The following SLIT3 variants were observed in gnomAD, a reference collection of about 807,000 sequenced individuals.
The protein encoded by SLIT3 is slit guidance ligand 3.
A neutral mutation model predicts 184.0 loss-of-function variants in SLIT3; 68 were observed. The observed-to-expected ratio is 0.37, with a 90% CI of 0.30 to 0.45. SLIT3 has a LOEUF of 0.45. Ranked by LOEUF, SLIT3 falls within the 20% of genes least tolerant of loss-of-function variation. The probability of loss-of-function intolerance (pLI) is 1.00; values close to 1 mark genes in which losing one functional copy is unlikely to be tolerated. For missense variants in SLIT3, 1,707 were observed against 2,026.0 expected, an observed-to-expected ratio of 0.84 and a Z score of 3.02; for synonymous variants, 831 against 828.6, an observed-to-expected ratio of 1.00 and a Z score of -0.05.
intron 4 of SLIT3, among the ~76,000 whole-genome samples, chr5:169,006,578 T>TTCTCTCTCTCTCTC (rs369079733): frequency 5.7e-5 from 8 of 140,114 alleles, no homozygotes; most frequent in African/African-American, 2.2e-4. Context: ...TTTCCCCCTC[T>TTCTCTCTCTCTCTC]TCTCTCTCTC....
intron 4 of SLIT3, among the ~76,000 whole-genome samples, chr5:168,889,701 T>A (rs1760368009): frequency 6.6e-6 from 1 of 152,252 alleles, no homozygotes; most frequent in Admixed American, 6.5e-5. Flanking sequence ...GAATACCTAC[T>A]ATGTGTTCCA....
At chr5:168,951,017 T>C (rs1762634640) in intron 4 of SLIT3, among the ~76,000 whole-genome samples, 1 of 152,186 alleles carries the variant, frequency 6.6e-6, no homozygotes, top group Non-Finnish European at 1.5e-5. Context: ...GGTCAGGAGT[T>C]GGAGACCAGC....
At chr5:168,809,359 A>G (rs1757089283) in intron 8 of SLIT3, among the ~76,000 whole-genome samples, 1 of 152,166 alleles carries the variant, frequency 6.6e-6, no homozygotes, top group Non-Finnish European at 1.5e-5. Flanking sequence ...ACCACCTTTA[A>G]TTAGGCAGAG....
intron 4 of SLIT3, among the ~76,000 whole-genome samples, chr5:169,187,099 A>G (rs1284140020): frequency 7.3e-6 from 1 of 137,166 alleles, no homozygotes; most frequent in African/African-American, 2.7e-5. Flanking sequence ...ACAACTGCTT[A>G]TGCAGCTATA....
chr5:168,721,461 T>C (rs1208836870), intron 23 of SLIT3, among the ~76,000 whole-genome samples: 1 of 152,204 alleles, frequency 6.6e-6, no homozygotes, highest in Non-Finnish European at 1.5e-5. Context: ...GCAATTACCA[T>C]AATTATCTGA....
chr5:169,025,146 T>C (rs1561615144), intron 4 of SLIT3, among the ~76,000 whole-genome samples: 1 of 152,258 alleles, frequency 6.6e-6, no homozygotes, highest in East Asian at 1.9e-4. Context: ...AAGAGACCTT[T>C]CTGGATATGG....
chr5:169,292,276 T>C (rs900179791), intron 1 of SLIT3, among the ~76,000 whole-genome samples: 2 of 152,192 alleles, frequency 1.3e-5, no homozygotes, highest in Non-Finnish European at 2.9e-5. Flanking sequence ...TACATACACA[T>C]TCAACATACA....
intron 4 of SLIT3, among the ~76,000 whole-genome samples, chr5:168,896,194 G>A (rs949085655): frequency 5.9e-5 from 9 of 152,216 alleles, no homozygotes; most frequent in South Asian, 2.1e-4. Flanking sequence ...GTGAGGTACC[G>A]TAGTGAAGGC....
chr5:169,017,470 C>G (rs1345978409), intron 4 of SLIT3, among the ~76,000 whole-genome samples: 1 of 152,230 alleles, frequency 6.6e-6, no homozygotes, highest in Non-Finnish European at 1.5e-5. Flanking sequence ...TAGCTGCTCT[C>G]ACCAAAGGAA....
chr5:168,682,664 C>A (rs1434607883), intron 32 of SLIT3, among the ~76,000 whole-genome samples: 1 of 152,078 alleles, frequency 6.6e-6, no homozygotes, highest in Non-Finnish European at 1.5e-5. Context: ...CACTGCAGGG[C>A]GGTTTTGCTT....
chr5:169,083,346 G>A (rs929542079), intron 4 of SLIT3, among the ~76,000 whole-genome samples: 5 of 152,116 alleles, frequency 3.3e-5, no homozygotes, highest in African/African-American at 1.2e-4. Context: ...AAGCTTTACT[G>A]GTCTAACATC....
intron 4 of SLIT3, among the ~76,000 whole-genome samples, chr5:169,188,683 A>G (rs1763441319): frequency 1.3e-5 from 2 of 152,204 alleles, no homozygotes; most frequent in South Asian, 4.1e-4. Context: ...CTGACCAGCC[A>G]AGGTCAGCCG....
At chr5:169,059,319 A>G (rs2113088801) in intron 4 of SLIT3, among the ~76,000 whole-genome samples, 1 of 152,094 alleles carries the variant, frequency 6.6e-6, no homozygotes, top group East Asian at 1.9e-4. Flanking sequence ...GTTCACACAT[A>G]CTCCAGAATG....
chr5:168,805,030 G>A (rs1207729269), intron 9 of SLIT3, among the ~76,000 whole-genome samples: 2 of 152,160 alleles, frequency 1.3e-5, no homozygotes, highest in Non-Finnish European at 2.9e-5. Context: ...CTTATTTCAT[G>A]TCCTTTTCTT....
chr5:169,204,107 G>T (rs1763988750), intron 3 of SLIT3, among the ~76,000 whole-genome samples: 1 of 152,040 alleles, frequency 6.6e-6, no homozygotes, highest in African/African-American at 2.4e-5. Context: ...AGAGAGAGGA[G>T]GAAACAGCCC....
At chr5:168,960,494 A>C (rs1762968120) in intron 4 of SLIT3, among the ~76,000 whole-genome samples, 1 of 152,224 alleles carries the variant, frequency 6.6e-6, no homozygotes, top group Non-Finnish European at 1.5e-5. Context: ...CTCTAGGATT[A>C]TAGTAAATTG....
intron 4 of SLIT3, among the ~76,000 whole-genome samples, chr5:169,102,964 T>C (rs1293606096): frequency 6.6e-6 from 1 of 152,236 alleles, no homozygotes; most frequent in Non-Finnish European, 1.5e-5. Flanking sequence ...AACCCCATTT[T>C]TTCCTCAAAC....
chr5:169,044,399 T>C lies in SLIT3; in HGVS notation c.413+149080A>G, dbSNP rs566706203. On this transcript the variant is annotated intron_variant, in intron 4 of 35. Transcript: ENST00000519560. The stretch of plus-strand genomic sequence containing the variant: ...GGTGGAACATGCAATGGAATATTAT[T>C]CAGCCATAAAAAGAAATGAAGTATC... 1.2e-3 allele frequency among the ~76,000 whole-genome samples: 180 copies of C among 152,286 alleles called. 2 individuals carry two copies. The highest frequency in any genetic ancestry group is 3.4e-3 in the Middle Eastern group (1 of 294).
At position 168,736,692 on chromosome 5, in the gene SLIT3, C is replaced by G. The variant is rs150940332; in HGVS notation, c.2270+11610G>C. On this transcript the variant is annotated intron_variant, in intron 20 of 35. Coordinates refer to ENST00000519560, the MANE Select transcript of SLIT3 (RefSeq NM_003062.4). ...AGTGCCTGGGCTTGCCTCCTCCCTGCTGCAATGCAGAGTGCCTGGGCTTGC... is the reference window on the plus strand; with the variant it reads ...AGTGCCTGGGCTTGCCTCCTCCCTGGTGCAATGCAGAGTGCCTGGGCTTGC... 3.7e-3 allele frequency among the ~76,000 whole-genome samples: 567 copies of G among 151,902 alleles called. 2 individuals carry two copies. Among genetic ancestry groups the G allele is most frequent in the African/African-American group, 0.013 (543 of 41,262 alleles).
Sources: allele counts gnomAD v4.1 joint callset (sites outside exome capture counted in the v4.1 genomes callset), GRCh38; gene constraint gnomAD v4.1.1; transcripts MANE v1.5; gene names NCBI Gene and HGNC (gene_info 2026-07-23, HGNC 2026-07-21).